Variants in PAFAH1B1 observed in about 807,000 individuals in gnomAD.
PAFAH1B1 encodes the protein platelet activating factor acetylhydrolase 1b regulatory subunit 1.
Under a neutral mutation model 57.5 loss-of-function variants are expected in PAFAH1B1, and 2 were observed. The observed-to-expected ratio is 0.03, with a 90% CI of 0.01 to 0.11. The LOEUF is 0.11. Ranked by LOEUF, PAFAH1B1 falls within the 10% of genes least tolerant of loss-of-function variation. The pLI is 1.00. For missense variants in PAFAH1B1, 257 were observed against 512.0 expected, an observed-to-expected ratio of 0.50 and a Z score of 4.81; for synonymous variants, 152 against 169.6, an observed-to-expected ratio of 0.90 and a Z score of 0.81.
At chr17:2,670,133 G>C in intron 5 of PAFAH1B1, 30 bp from the exon 6 acceptor site, 1 of 1,607,476 alleles carries the variant, frequency 6.2e-7, no homozygotes, top group Non-Finnish European at 8.5e-7. Context: ...GATGGAGTTG[G>C]TGTTAACCAA....
At chr17:2,623,537 C>T (rs1436015661) in intron 1 of PAFAH1B1, among the ~76,000 whole-genome samples, 1 of 151,782 alleles carries the variant, frequency 6.6e-6, no homozygotes, top group South Asian at 2.1e-4. Context: ...GGATTACAGG[C>T]GTGAGCCACT....
At chr17:2,656,627 C>T (rs569574936) in intron 2 of PAFAH1B1, among the ~76,000 whole-genome samples, 86 of 152,250 alleles carry the variant, frequency 5.6e-4, no homozygotes, top group South Asian at 2.9e-3. Flanking sequence ...GTAAAAACTG[C>T]TCCATCAACA....
rs111295932 is a variant in PAFAH1B1 at position 2,626,552 on chromosome 17, T to A, written c.-190-11547T>A. On this transcript the variant is annotated intron_variant, in intron 1 of 10. Transcript: ENST00000397195. ...CAAACTTGAACCGGCATCACCTTTC[T>A]TCCCCCCCCCCCCCCCCCCGAGGCG... 2.5e-4 allele frequency among the ~76,000 whole-genome samples: 12 copies of A among 48,612 alleles called. 1 individual carries two copies. Among genetic ancestry groups the A allele is most frequent in the African/African-American group, 1.3e-3 (12 of 9,590 alleles). 31.9% of individuals were successfully genotyped at this position (48,612 alleles called of 152,430 possible).
At chr17:2,632,105 T>A (rs995071960) in intron 1 of PAFAH1B1, among the ~76,000 whole-genome samples, 3 of 152,212 alleles carry the variant, frequency 2.0e-5, no homozygotes. Context: ...GTTTATTTTC[T>A]TTTTGTAGAG....
At chr17:2,609,369 T>G (rs531433386) in intron 1 of PAFAH1B1, among the ~76,000 whole-genome samples, 1 of 152,192 alleles carries the variant, frequency 6.6e-6, no homozygotes, top group Admixed American at 6.5e-5. Context: ...CTGGTCCTCC[T>G]TGTTGGTGTT....
chr17:2,596,086 T>A (rs1235984743), intron 1 of PAFAH1B1, among the ~76,000 whole-genome samples: 1 of 152,208 alleles, frequency 6.6e-6, no homozygotes, highest in African/African-American at 2.4e-5. Context: ...TTTCCACCTT[T>A]TTTGCATGAT....
chr17:2,628,657 G>C (rs115425058), intron 1 of PAFAH1B1, among the ~76,000 whole-genome samples: 1 of 152,118 alleles, frequency 6.6e-6, no homozygotes. Flanking sequence ...ATTATCAAAA[G>C]AATTGGTACC....
intron 7 of PAFAH1B1, among the ~76,000 whole-genome samples, chr17:2,673,367 C>T (rs971264972): frequency 1.3e-5 from 2 of 151,812 alleles, no homozygotes; most frequent in Non-Finnish European, 2.9e-5. Context: ...TGGCCGGGCG[C>T]GGTGGCTCAC....
intron 2 of PAFAH1B1, among the ~76,000 whole-genome samples, chr17:2,662,658 G>T (rs973105419): frequency 6.6e-6 from 1 of 152,006 alleles, no homozygotes; most frequent in Admixed American, 6.6e-5. Context: ...GCCCTCCTGG[G>T]CCTCCCAAAG....
rs2068257316 is a variant in PAFAH1B1, at chr17:2,610,625, C to T, written c.-191+16619C>T. The stretch of plus-strand genomic sequence containing the variant: ...AAATACACTAACGATAGTTGATGAG[C>T]TTAAAAAAAGTCACAAAAAAAATGT... On this transcript the variant is annotated intron_variant, in intron 1 of 10. Transcript: ENST00000397195. Among the ~76,000 whole-genome samples the T allele has an allele frequency of 2.0e-5, 3 of 152,226 alleles. No homozygotes were observed. The South Asian group carries it at 6.2e-4, about 32-fold the overall frequency.
intron 10 of PAFAH1B1, 38 bp downstream of exon 10, chr17:2,680,358 T>C (rs1371999061): frequency 6.3e-7 from 1 of 1,586,216 alleles, no homozygotes; most frequent in African/African-American, 1.3e-5. Context: ...CATTAGATTT[T>C]GGAGTGCCAG....
chr17:2,654,977 CAG>C (rs1372396412), intron 2 of PAFAH1B1, among the ~76,000 whole-genome samples: 1 of 141,240 alleles, frequency 7.1e-6, no homozygotes, highest in African/African-American at 2.7e-5. Context: ...TTAAAAGAGA[CAG>C]GGTTCAGGCT....
chr17:2,671,935 T>A (rs1387865139), intron 6 of PAFAH1B1, among the ~76,000 whole-genome samples: 1 of 152,072 alleles, frequency 6.6e-6, no homozygotes, highest in African/African-American at 2.4e-5. Context: ...ATTCCCCATT[T>A]TTTGTATCCA....
intron 1 of PAFAH1B1, among the ~76,000 whole-genome samples, chr17:2,633,253 C>T (rs1316987634): frequency 1.3e-5 from 2 of 151,616 alleles, no homozygotes; most frequent in Non-Finnish European, 2.9e-5. Context: ...CTGCAACCTC[C>T]GTCTCCTGGG....
At chr17:2,674,327 A>C (rs773237227) in intron 8 of PAFAH1B1, 39 bp downstream of exon 8, 1 of 1,446,262 alleles carries the variant, frequency 6.9e-7, no homozygotes, top group South Asian at 1.1e-5. Context: ...TTTATTGCTG[A>C]TATCTGAAGT....
chr17:2,597,403 C>CTTTTCT (rs2068095376), intron 1 of PAFAH1B1, among the ~76,000 whole-genome samples: 1 of 64,350 alleles, frequency 1.6e-5, no homozygotes, highest in African/African-American at 6.5e-5. Context: ...ACATCCGTGT[C>CTTTTCT]TTTTTTTTTT....
chr17:2,652,225 A>G lies in PAFAH1B1; in HGVS notation c.33-13147A>G, dbSNP rs564885167. On this transcript the variant is annotated intron_variant, in intron 2 of 10. Transcript: ENST00000397195. ...GGAGATCGAGACCATCCTGGCTAAC[A>G]CGGTGAAACCCCGTCTCTACTAAAA... Among the ~76,000 whole-genome samples the G allele has an allele frequency of 7.2e-5, 11 of 151,926 alleles. 1 individual carries two copies. The East Asian group carries it at 1.9e-3, about 27-fold the overall frequency.
chr17:2,648,529 A>C (rs906270683), intron 2 of PAFAH1B1, among the ~76,000 whole-genome samples: 2 of 151,934 alleles, frequency 1.3e-5, no homozygotes, highest in Non-Finnish European at 2.9e-5. Flanking sequence ...ATACAAAAAA[A>C]TAGCCGGGTG....
chr17:2,593,672 G>C lies in PAFAH1B1; in HGVS notation c.-525G>C, dbSNP rs536150262. ...CTGTGACAGACGGAGCTGGAGCGGC[G>C]GGGCGGCGGCGGAGTCCGGCGGCCG... On this transcript the variant is annotated 5_prime_UTR_variant, in exon 1 of 11. Transcript: ENST00000397195. The C allele has an allele frequency of 2.4e-3, 701 of 290,138 alleles. No individual in the cohort carries two copies. Among genetic ancestry groups the C allele is most frequent in the Admixed American group, 3.6e-3 (68 of 18,860 alleles). 18.0% of individuals were successfully genotyped at this position (290,138 alleles called of 1,614,324 possible).
Sources: gnomAD v4.1 joint callset for allele counts (sites outside exome capture counted in the v4.1 genomes callset) on GRCh38, gnomAD v4.1.1 for gene constraint, MANE v1.5 for transcripts, NCBI Gene and HGNC (gene_info 2026-07-23, HGNC 2026-07-21) for gene names.